The following DCAKD variants were observed in gnomAD, a reference collection of about 807,000 sequenced individuals.
The protein encoded by DCAKD is dephospho-CoA kinase domain-containing protein.
In DCAKD, 15 loss-of-function variants were observed where a neutral mutation model predicts 18.7. That is an observed-to-expected ratio of 0.80 (90% confidence interval 0.54 to 1.24). The LOEUF is 1.24. Among genes scored for constraint, DCAKD ranks in the 50% most tolerant of loss-of-function variants. The pLI, the probability that DCAKD is intolerant of heterozygous loss-of-function variation, is 0.00. For synonymous variants in DCAKD, 130 were observed against 133.0 expected, an observed-to-expected ratio of 0.98 and a Z score of 0.16; for missense variants, 301 against 322.0, an observed-to-expected ratio of 0.93 and a Z score of 0.50.
At chr17:45,040,842 G>A (rs536965601) in intron 1 of DCAKD, among the ~76,000 whole-genome samples, 3 of 152,208 alleles carry the variant, frequency 2.0e-5, no homozygotes, top group Admixed American at 2.0e-4. Flanking sequence ...CTTTTGCATC[G>A]GGTGTCTCCA....
intron 1 of DCAKD, among the ~76,000 whole-genome samples, chr17:45,048,021 T>A (rs537356315): frequency 2.4e-4 from 36 of 152,276 alleles, no homozygotes; most frequent in African/African-American, 7.5e-4. Flanking sequence ...AACACAATTT[T>A]AAAAAAGTTT....
upstream of DCAKD, among the ~76,000 whole-genome samples, chr17:45,055,019 A>G (rs1270064978): frequency 6.6e-6 from 1 of 152,212 alleles, no homozygotes; most frequent in East Asian, 1.9e-4. Context: ...GGAAGATCCC[A>G]TAGGAAAGGG....
chr17:45,033,720 C>T (rs2053223053), intron 3 of DCAKD: 1 of 405,928 alleles, frequency 2.5e-6, no homozygotes, highest in Admixed American at 5.1e-5. Context: ...CTGCCTCGGC[C>T]TCCCAAAGTG....
chr17:45,061,075 CT>C, exon 1 of DCAKD: 4 of 1,281,548 alleles, frequency 3.1e-6, no homozygotes, highest in Non-Finnish European at 4.0e-6. Context: ...TCCCACCAAC[CT>C]TGCGCCCCTT....
At position 45,024,743 on chromosome 17, in the gene DCAKD, G is replaced by A; in HGVS notation, c.405-19C>T. 1 of 1,543,670 alleles carries A rather than the reference G, an allele frequency of 6.5e-7. No individual in the cohort carries two copies. Among genetic ancestry groups the A allele is most frequent in the East Asian group, 2.3e-5 (1 of 44,060 alleles). On this transcript the variant is annotated intron_variant, in intron 4 of 4. Coordinates refer to ENST00000651974, the MANE Select transcript of DCAKD (RefSeq NM_001288655.2). ...CCGGTCGCTAAGGATAGGGCAAAAG[G>A]GCACTGTAGGTCCTGCCTCCCTCTC...
chr17:45,059,877 G>A (rs1172616630), intron 1 of DCAKD, among the ~76,000 whole-genome samples: 1 of 152,006 alleles, frequency 6.6e-6, no homozygotes, highest in African/African-American at 2.4e-5. Context: ...AGGCCGAAAT[G>A]GGCAGATCAC....
chr17:45,057,449 T>C (rs937165703), intron 1 of DCAKD, among the ~76,000 whole-genome samples: 3 of 150,622 alleles, frequency 2.0e-5, no homozygotes, highest in African/African-American at 7.3e-5. Flanking sequence ...ATGCCTGTAA[T>C]CCCAGCACTT....
At chr17:45,033,780 A>T (rs779929123) in intron 3 of DCAKD, 27 of 906,634 alleles carry the variant, frequency 3.0e-5, no homozygotes, top group Non-Finnish European at 3.7e-5. Context: ...TTGGATTATT[A>T]TCCCCACTGC....
At chr17:45,044,563 G>A (rs986975649) in intron 1 of DCAKD, among the ~76,000 whole-genome samples, 16 of 152,188 alleles carry the variant, frequency 1.1e-4, no homozygotes, top group Non-Finnish European at 2.1e-4. Flanking sequence ...GTGGTGGCAC[G>A]TGCCTGTAGT....
Position 45,030,130 on chromosome 17 carries a change from C to T in DCAKD, c.366G>A (p.Lys122=), listed in dbSNP as rs987207831. ...CGGTGTGCTTCATGTACTTGAGCAACTTCTTGGTCTCAAACAGCAGGGGGA... is the reference window on the plus strand; with the variant it reads ...CGGTGTGCTTCATGTACTTGAGCAATTTCTTGGTCTCAAACAGCAGGGGGA... ...LDIPLLFETK[K]LLKYMKHTVV... is the part of the protein sequence containing the mutation. The change falls in exon 4 of 5, where the codon AAG becomes AAA. Residue 122 remains lysine (K), a synonymous_variant. Transcript: ENST00000651974. The T allele has an allele frequency of 1.2e-6, 2 of 1,614,038 alleles. No individual in the cohort carries two copies. Among genetic ancestry groups the T allele is most frequent in the Middle Eastern group, 1.6e-4 (1 of 6,084 alleles).
intron 1 of DCAKD, among the ~76,000 whole-genome samples, chr17:45,039,244 CCT>C (rs1274791875): frequency 1.3e-5 from 2 of 152,164 alleles, no homozygotes; most frequent in East Asian, 1.9e-4. Flanking sequence ...CCAGCAGCTC[CCT>C]GTCAGGCCCA....
At chr17:45,059,181 A>C (rs1465579150) in intron 1 of DCAKD, among the ~76,000 whole-genome samples, 1 of 152,162 alleles carries the variant, frequency 6.6e-6, no homozygotes, top group East Asian at 1.9e-4. Flanking sequence ...CAGAGCTTGC[A>C]GTGAGCCAAA....
At chr17:45,026,586 C>T (rs2053061224) in intron 4 of DCAKD, 24 of 984,174 alleles carry the variant, frequency 2.4e-5, no homozygotes, top group Non-Finnish European at 2.9e-5. Context: ...TGGTCTCAAA[C>T]TCCTGGGCTT....
chr17:45,032,222 C>T, intron 3 of DCAKD: 2 of 669,178 alleles, frequency 3.0e-6, no homozygotes, highest in South Asian at 6.7e-5. Flanking sequence ...GGAGGCAGCA[C>T]AAAGAGTCCA....
At chr17:45,028,353 G>A (rs534601822) in intron 4 of DCAKD, among the ~76,000 whole-genome samples, 3 of 149,938 alleles carry the variant, frequency 2.0e-5, no homozygotes, top group African/African-American at 7.4e-5. Context: ...CTCATGATCC[G>A]CCCACCTCGG....
chr17:45,053,883 C>A (rs543559013), upstream of DCAKD, among the ~76,000 whole-genome samples: 1 of 152,226 alleles, frequency 6.6e-6, no homozygotes, highest in Admixed American at 6.5e-5. Context: ...TTTTAATTAA[C>A]ACCTACCCTG....
At chr17:45,060,447 T>A (rs1457782042) in intron 1 of DCAKD, among the ~76,000 whole-genome samples, 1 of 151,880 alleles carries the variant, frequency 6.6e-6, no homozygotes, top group Non-Finnish European at 1.5e-5. Context: ...ATACCTTGAT[T>A]GCAGTGAGCT....
At position 45,034,376 on chromosome 17, in the gene DCAKD, A is replaced by T. The variant is rs1469643249; in HGVS notation, c.127T>A (p.Tyr43Asn). Residue 43 changes from tyrosine (Y) to asparagine (N), a missense_variant, in exon 3 of 5, where the codon TAC becomes AAC. Coordinates refer to ENST00000651974, the MANE Select transcript of DCAKD (RefSeq NM_001288655.2). ...TCTACGATGCGCCGGTGGGCAGGGT[A>T]TCCTGGCTGCACGACTGTGGCAGGA... ...VMARHVVQPGYPAHRRIVEVF... is the reference protein window; with the variant it reads ...VMARHVVQPGNPAHRRIVEVF... 6.2e-7 allele frequency: 1 copy of T among 1,613,688 alleles called. No homozygotes were observed. The highest frequency in any genetic ancestry group is 8.5e-7 in the Non-Finnish European group (1 of 1,180,038).
At chr17:45,052,622 C>T (rs2053730218), upstream of DCAKD, among the ~76,000 whole-genome samples, 1 of 151,302 alleles carries the variant, frequency 6.6e-6, no homozygotes, top group South Asian at 2.1e-4. Context: ...AATCTCAGCA[C>T]TTTGGGAGGA....
Sources: gnomAD v4.1 joint callset for allele counts (sites outside exome capture counted in the v4.1 genomes callset) on GRCh38, gnomAD v4.1.1 for gene constraint, MANE v1.5 for transcripts, NCBI Gene and HGNC (gene_info 2026-07-23, HGNC 2026-07-21) for gene names.